AGPAT4: variants seen among roughly 807,000 people sequenced by gnomAD.
AGPAT4 encodes 1-acyl-sn-glycerol-3-phosphate acyltransferase delta.
In AGPAT4, 15 loss-of-function variants were observed where a neutral mutation model predicts 48.0. The ratio of observed to expected loss-of-function variants is 0.31; its 90% CI spans 0.21 to 0.48. AGPAT4 has a LOEUF of 0.48. AGPAT4 is among the 20% of genes least tolerant of loss of function. The pLI is 0.99. For synonymous variants in AGPAT4, 178 were observed against 198.7 expected (o/e 0.90, Z 0.88); for missense variants, 314 against 482.5 (o/e 0.65, Z 3.27).
In AGPAT4 at chr6:161,203,963, C is replaced by T. The variant is rs192745518; in HGVS notation, c.178+28073G>A. ...CTCTTTATGATGCTACACAGACTTG[C>T]ATACCATTAACATAAATAAACAGTA... On this transcript the variant is annotated intron_variant, in intron 2 of 8. Coordinates refer to ENST00000320285, the MANE Select transcript of AGPAT4 (RefSeq NM_020133.3). Among the ~76,000 whole-genome samples the T allele has an allele frequency of 1.2e-4, 18 of 152,246 alleles. No individual in the cohort carries two copies. In the East Asian group the frequency reaches 2.7e-3, roughly 23 times the overall value.
Position 161,159,561 on chromosome 6 carries a change from C to A in AGPAT4, c.349-5251G>T, listed in dbSNP as rs1417346572. On this transcript the variant is annotated intron_variant, in intron 3 of 8. Coordinates refer to ENST00000320285, the MANE Select transcript of AGPAT4 (RefSeq NM_020133.3). This position sits in a 1 kb window ranked among gnomAD's most constrained non-coding sequence, Gnocchi z 4.1. ...ATCTGTCCCTAGTTATAGCAAAATG[C>A]AGAAAAGACTGGAGCTCAAAATAAT... Among the ~76,000 whole-genome samples, 1 of 152,166 alleles carries A rather than the reference C, an allele frequency of 6.6e-6. No individual in the cohort carries two copies. Among genetic ancestry groups the A allele is most frequent in the East Asian group, 1.9e-4 (1 of 5,200 alleles).
rs1291293266 is a variant in AGPAT4 at position 161,225,564 on chromosome 6, TAGAAA to T, written c.178+6467_178+6471del. Among the ~76,000 whole-genome samples, 4 of 152,134 alleles carry T rather than the reference TAGAAA, an allele frequency of 2.6e-5. No individual in the cohort carries two copies. The highest frequency in any genetic ancestry group is 7.2e-5 in the African/African-American group (3 of 41,420). ...TCCCAGGAGATACACCCCTTAGAAC[TAGAAA>T]AGAAAAGAAGGAAGGTTGCTTTTCG... is the stretch of plus-strand genomic sequence containing the variant. On this transcript the variant is annotated intron_variant, in intron 2 of 8. Transcript: ENST00000320285. The surrounding 1 kb of genome is among the most constrained non-coding windows in gnomAD (Gnocchi z 5.0).
chr6:161,213,502 T>G (rs893827725), intron 2 of AGPAT4, among the ~76,000 whole-genome samples: 8 of 152,340 alleles, frequency 5.3e-5, no homozygotes, highest in Admixed American at 4.6e-4. Context: ...AAAATAATGT[T>G]TTCAATTTTT....
chr6:161,190,676 C>G (rs1780899778), intron 2 of AGPAT4, among the ~76,000 whole-genome samples: 1 of 151,190 alleles, frequency 6.6e-6, no homozygotes, highest in Non-Finnish European at 1.5e-5. Flanking sequence ...CTGAATATTC[C>G]AAATCTCACT....
At position 161,264,180 on chromosome 6, in the gene AGPAT4, C is replaced by T. The variant is rs180846142; in HGVS notation, c.-90+9758G>A. Among the ~76,000 whole-genome samples the T allele has an allele frequency of 4.7e-3, 715 of 152,186 alleles. 6 individuals carry two copies. The highest frequency in any genetic ancestry group is 0.026 in the South Asian group (127 of 4,818). On this transcript the variant is annotated intron_variant, in intron 1 of 8. Coordinates refer to ENST00000320285, the MANE Select transcript of AGPAT4 (RefSeq NM_020133.3). The surrounding 1 kb of genome is among the most constrained non-coding windows in gnomAD (Gnocchi z 6.8). ...GGGAAGAATATGATTGGAAAGTGAC[C>T]TTCTTTCTCCCTATATTTACTATCT...
chr6:161,185,392 G>T (rs1259323283), intron 2 of AGPAT4, among the ~76,000 whole-genome samples: 4 of 151,110 alleles, frequency 2.6e-5, no homozygotes, highest in African/African-American at 9.7e-5. Flanking sequence ...CTGCGTTCAG[G>T]TGATTCTCCT....
chr6:161,210,193 T>C (rs1383949875), intron 2 of AGPAT4, among the ~76,000 whole-genome samples: 1 of 152,206 alleles, frequency 6.6e-6, no homozygotes, highest in Non-Finnish European at 1.5e-5. Flanking sequence ...AATCCTATGA[T>C]AGATTTCTAT....
In AGPAT4 at chr6:161,255,568, T is replaced by G. The variant is rs556102549; in HGVS notation, c.-90+18370A>C. On this transcript the variant is annotated intron_variant, in intron 1 of 8. Transcript: ENST00000320285. The surrounding 1 kb of genome is among the most constrained non-coding windows in gnomAD (Gnocchi z 4.7). ...AAAGAATAAATTAATTACTGATACA[T>G]GCTACAACATGAATGAACCTCAAAA... 2.6e-5 allele frequency among the ~76,000 whole-genome samples: 4 copies of G among 152,264 alleles called. No individual in the cohort carries two copies. The South Asian group carries it at 6.2e-4, about 24-fold the overall frequency.
chr6:161,200,998 C>G lies in AGPAT4; in HGVS notation c.178+31038G>C, dbSNP rs1278551288. Among the ~76,000 whole-genome samples, 3 of 152,196 alleles carry G rather than the reference C, an allele frequency of 2.0e-5. No homozygotes were observed. Among genetic ancestry groups the G allele is most frequent in the Non-Finnish European group, 1.5e-5 (1 of 68,048 alleles). Reference sequence around the variant, plus strand: ...TGATCCTTTCCATCAGAGCAACAGGCAGAACGACAGCTTCCTGCAAATGCA... The same window carrying G: ...TGATCCTTTCCATCAGAGCAACAGGGAGAACGACAGCTTCCTGCAAATGCA... On this transcript the variant is annotated intron_variant, in intron 2 of 8. Coordinates refer to ENST00000320285, the MANE Select transcript of AGPAT4 (RefSeq NM_020133.3). This position sits in a 1 kb window ranked among gnomAD's most constrained non-coding sequence, Gnocchi z 5.5.
At chr6:161,170,248 G>C (rs1183694034) in intron 2 of AGPAT4, among the ~76,000 whole-genome samples, 2 of 152,052 alleles carry the variant, frequency 1.3e-5, no homozygotes, top group East Asian at 3.9e-4. Flanking sequence ...TCCCTACAGA[G>C]ACTGCTAAAC....
chr6:161,132,467 G>C lies in AGPAT4; in HGVS notation c.*4073C>G, dbSNP rs1778932345. ...CGTGGAGCAATGTGGTGCACCTGCA[G>C]ATGCCGCACTCAGCAGCCTGGAATG... On this transcript the variant is annotated 3_prime_UTR_variant, in exon 9 of 9. Coordinates refer to ENST00000320285, the MANE Select transcript of AGPAT4 (RefSeq NM_020133.3). The C allele has an allele frequency of 6.6e-6, 1 of 152,358 alleles. No individual in the cohort carries two copies. Among genetic ancestry groups the C allele is most frequent in the South Asian group, 2.1e-4 (1 of 4,834 alleles). 9.4% of individuals were successfully genotyped at this position (152,358 alleles called of 1,614,324 possible).
intron 2 of AGPAT4, among the ~76,000 whole-genome samples, chr6:161,205,855 T>C (rs374316044): frequency 1.3e-5 from 2 of 152,174 alleles, no homozygotes; most frequent in African/African-American, 2.4e-5. Context: ...ATAGTTCTTC[T>C]AGATTTCCAG....
rs565320292 is a variant in AGPAT4, at chr6:161,195,684, G to A, written c.179-29267C>T. Among the ~76,000 whole-genome samples the A allele has an allele frequency of 2.6e-4, 39 of 152,278 alleles. No homozygotes were observed. Among genetic ancestry groups the A allele is most frequent in the African/African-American group, 8.2e-4 (34 of 41,556 alleles). ...TGCCTCAGTCACCTTTGACTACTCC[G>A]AAGAGGAAAGAACTCTAAGAAGGCC... On this transcript the variant is annotated intron_variant, in intron 2 of 8. Transcript: ENST00000320285. The surrounding 1 kb of genome is among the most constrained non-coding windows in gnomAD (Gnocchi z 5.0).
chr6:161,140,539 CAT>C lies in AGPAT4; in HGVS notation c.844-921_844-920del, dbSNP rs1351616275. On this transcript the variant is annotated intron_variant, in intron 7 of 8. Transcript: ENST00000320285. The surrounding 1 kb of genome is among the most constrained non-coding windows in gnomAD (Gnocchi z 6.5). Reference sequence around the variant, plus strand: ...CGCGGTGGCTCTTCCCTGGGTGTCTCATGTCACGGAGCTCCCGCTCAGGGACT... The same window carrying C: ...CGCGGTGGCTCTTCCCTGGGTGTCTCGTCACGGAGCTCCCGCTCAGGGACT... 6.6e-6 allele frequency among the ~76,000 whole-genome samples: 1 copy of C among 151,858 alleles called. No homozygotes were observed. Among genetic ancestry groups the C allele is most frequent in the African/African-American group, 2.4e-5 (1 of 41,112 alleles).
At position 161,140,105 on chromosome 6, in the gene AGPAT4, C is replaced by G. The variant is rs1779203349; in HGVS notation, c.844-485G>C. Among the ~76,000 whole-genome samples the G allele has an allele frequency of 6.6e-6, 1 of 152,238 alleles. No individual in the cohort carries two copies. Among genetic ancestry groups the G allele is most frequent in the Admixed American group, 6.5e-5 (1 of 15,286 alleles). Reference sequence around the variant, plus strand: ...CGCCCAGCCCGGCCCGGCACATGCCCCGCCTTCCCGGCCTCCACAGCCAGT... The same window carrying G: ...CGCCCAGCCCGGCCCGGCACATGCCGCGCCTTCCCGGCCTCCACAGCCAGT... On this transcript the variant is annotated intron_variant, in intron 7 of 8. Transcript: ENST00000320285. This position sits in a 1 kb window ranked among gnomAD's most constrained non-coding sequence, Gnocchi z 6.5.
intron 1 of AGPAT4, among the ~76,000 whole-genome samples, chr6:161,271,876 G>A (rs1236817571): frequency 6.6e-6 from 1 of 152,168 alleles, no homozygotes; most frequent in African/African-American, 2.4e-5. Flanking sequence ...ATCTGCCCTT[G>A]AGGACCATTT....
rs1237548547 is a variant in AGPAT4, at chr6:161,160,117, T to C, written c.349-5807A>G. 8 of 137,898 alleles carry C rather than the reference T, an allele frequency of 5.8e-5. 1 individual carries two copies. Among genetic ancestry groups the C allele is most frequent in the Non-Finnish European group, 1.2e-4 (8 of 64,622 alleles). 8.5% of individuals were successfully genotyped at this position (137,898 alleles called of 1,614,324 possible). A position where few individuals can be genotyped will look rare whatever the true frequency, so the allele number is the denominator to read the frequency against. ...CACACCCAGCTAATTTTTTTTTTTT[T>C]TTTTTTTTTTTTTTTTGTATTTTTA... is the stretch of plus-strand genomic sequence containing the variant. On this transcript the variant is annotated intron_variant, in intron 3 of 8. Coordinates refer to ENST00000320285, the MANE Select transcript of AGPAT4 (RefSeq NM_020133.3).
Position 161,153,398 on chromosome 6 carries a change from C to T in AGPAT4, c.612G>A (p.Leu204=), listed in dbSNP as rs146708854. 6 of 1,611,252 alleles carry T rather than the reference C, an allele frequency of 3.7e-6. No individual in the cohort carries two copies. Among genetic ancestry groups the T allele is most frequent in the Admixed American group, 3.4e-5 (2 of 59,654 alleles). Residue 204 remains leucine (L), a synonymous_variant, in exon 5 of 9, where the codon CTG becomes CTA. Transcript: ENST00000320285. ...TGGCGAAGCCCTTGGTTCGTGGCAA[C>T]AGGTGATGCTTGAGGCGAGGCAGCC... ...AKGLPRLKHH[L]LPRTKGFAIT...
rs1442310408 is a variant in AGPAT4 at position 161,251,435 on chromosome 6, T to C, written c.-89-19133A>G. ...CTGACAGCTAGAGTGTTAAGTGACC[T>C]GCCTGTCACTCAGCTGGTCAGAACA... On this transcript the variant is annotated intron_variant, in intron 1 of 8. Transcript: ENST00000320285. The surrounding 1 kb of genome is among the most constrained non-coding windows in gnomAD (Gnocchi z 4.6). Among the ~76,000 whole-genome samples the C allele has an allele frequency of 1.3e-5, 2 of 152,228 alleles. No individual in the cohort carries two copies. The highest frequency in any genetic ancestry group is 2.9e-5 in the Non-Finnish European group (2 of 68,032).
Sources: allele counts gnomAD v4.1 joint callset (sites outside exome capture counted in the v4.1 genomes callset), GRCh38; gene constraint gnomAD v4.1.1; non-coding constraint Gnocchi (gnomAD v3.1); transcripts MANE v1.5; gene names NCBI Gene and HGNC (gene_info 2026-07-23, HGNC 2026-07-21).